OPCML: variants seen among roughly 807,000 people sequenced by gnomAD.
OPCML encodes the protein opioid binding protein/cell adhesion molecule like.
OPCML carries 13 observed loss-of-function variants against 37.8 expected under a neutral mutation model. The ratio of observed to expected loss-of-function variants is 0.34; its 90% CI spans 0.22 to 0.55. OPCML has a LOEUF of 0.55. OPCML is among the 20% of genes least tolerant of loss of function. The pLI, the probability that OPCML is intolerant of heterozygous loss-of-function variation, is 0.91. For synonymous variants in OPCML, 176 were observed against 168.8 expected, an observed-to-expected ratio of 1.04 and a Z score of -0.33; for missense variants, 341 against 435.6, an observed-to-expected ratio of 0.78 and a Z score of 1.93.
intron 1 of OPCML, among the ~76,000 whole-genome samples, chr11:133,140,855 A>AAGGAGAAGGAGAAGGAGAAGGAGAAGG (rs1949784172): frequency 3.4e-5 from 2 of 58,064 alleles, no homozygotes; most frequent in Non-Finnish European, 9.6e-5. Flanking sequence ...GACGACGACG[A>AAGGAGAAGGAGAAGGAGAAGGAGAAGG]AGAAGACGAC....
chr11:133,078,499 A>C (rs1948657446), intron 1 of OPCML, among the ~76,000 whole-genome samples: 1 of 152,218 alleles, frequency 6.6e-6, no homozygotes, highest in Non-Finnish European at 1.5e-5. Flanking sequence ...AATATGTTTC[A>C]GTCATTAGCC....
intron 2 of OPCML, among the ~76,000 whole-genome samples, chr11:132,877,953 AT>A: frequency 6.6e-6 from 1 of 152,126 alleles, no homozygotes; most frequent in Non-Finnish European, 1.5e-5. Flanking sequence ...CTTATTCACC[AT>A]TTTGGCAAAA....
intron 3 of OPCML, among the ~76,000 whole-genome samples, chr11:132,617,018 T>A (rs990888943): frequency 1.3e-5 from 2 of 152,302 alleles, no homozygotes; most frequent in African/African-American, 4.8e-5. Flanking sequence ...ATTTATGAAG[T>A]TTTCTTTTCT....
intron 2 of OPCML, among the ~76,000 whole-genome samples, chr11:132,719,896 C>T (rs1375399609): frequency 1.3e-5 from 2 of 152,148 alleles, no homozygotes; most frequent in African/African-American, 4.8e-5. Flanking sequence ...ACATGCACTC[C>T]AGGAAGGCTG....
chr11:132,769,567 C>T (rs1343020353), intron 2 of OPCML, among the ~76,000 whole-genome samples: 1 of 152,202 alleles, frequency 6.6e-6, no homozygotes, highest in Admixed American at 6.5e-5. Context: ...AGATGGAATT[C>T]TCTTTTCAAT....
chr11:133,105,716 C>A (rs1194733980), intron 1 of OPCML, among the ~76,000 whole-genome samples: 1 of 152,200 alleles, frequency 6.6e-6, no homozygotes, highest in Non-Finnish European at 1.5e-5. Flanking sequence ...CACGGTAGCT[C>A]ATGCCTGCAA....
chr11:132,493,198 T>C (rs2096221429), intron 4 of OPCML, among the ~76,000 whole-genome samples: 1 of 152,198 alleles, frequency 6.6e-6, no homozygotes, highest in African/African-American at 2.4e-5. Context: ...ACTACACTTT[T>C]GCTGTAGAAC....
At chr11:132,758,902 T>A (rs1184932900) in intron 2 of OPCML, among the ~76,000 whole-genome samples, 1 of 152,106 alleles carries the variant, frequency 6.6e-6, no homozygotes, top group Non-Finnish European at 1.5e-5. Context: ...AATGTTTCCA[T>A]CTTTTGCCCA....
At chr11:133,124,145 T>C (rs575869224) in intron 1 of OPCML, among the ~76,000 whole-genome samples, 13 of 150,084 alleles carry the variant, frequency 8.7e-5, no homozygotes, top group African/African-American at 2.5e-4. Context: ...ACTTCTCCCA[T>C]ACTTAAGCCA....
intron 2 of OPCML, among the ~76,000 whole-genome samples, chr11:132,683,269 G>A (rs963918602): frequency 5.9e-5 from 9 of 152,122 alleles, no homozygotes; most frequent in Admixed American, 1.3e-4. Flanking sequence ...GCATAGTGGC[G>A]CATGCCTGTA....
At chr11:132,631,615 A>G (rs1204330475) in intron 3 of OPCML, among the ~76,000 whole-genome samples, 1 of 148,842 alleles carries the variant, frequency 6.7e-6, no homozygotes, top group Non-Finnish European at 1.5e-5. Context: ...GCCCGCCACC[A>G]CGCCCGGCTA....
chr11:132,967,682 A>C (rs1459321209), intron 1 of OPCML, among the ~76,000 whole-genome samples: 3 of 152,212 alleles, frequency 2.0e-5, no homozygotes, highest in Non-Finnish European at 2.9e-5. Context: ...AAGAAGGAAT[A>C]GGCATTTATA....
chr11:133,140,856 AGAAGACGACGACGAC>A lies in OPCML; in HGVS notation c.62-197861_62-197847del, dbSNP rs1565468240. ...ACGAAGAAGACGACGACGACGACGA[AGAAGACGACGACGAC>A]GAAGAAGACGACGACGACGACGAAG... On this transcript the variant is annotated intron_variant, in intron 1 of 7. Coordinates refer to ENST00000524381, the MANE Select transcript of OPCML (RefSeq NM_001012393.5). Among the ~76,000 whole-genome samples the A allele has an allele frequency of 2.2e-3, 85 of 38,848 alleles. 6 individuals are homozygous for A. The highest frequency in any genetic ancestry group is 4.2e-3 in the African/African-American group (79 of 18,658). The allele number at this position is 38,848 out of a possible 152,430, so 25.5% of individuals were successfully genotyped here.
intron 2 of OPCML, among the ~76,000 whole-genome samples, chr11:132,700,380 T>A (rs1217861318): frequency 6.6e-6 from 1 of 152,110 alleles, no homozygotes. Flanking sequence ...TAAAGCTAGG[T>A]GCTTATCTGA....
At chr11:132,914,444 A>G (rs1199053905) in intron 2 of OPCML, among the ~76,000 whole-genome samples, 2 of 152,192 alleles carry the variant, frequency 1.3e-5, no homozygotes, top group Non-Finnish European at 1.5e-5. Flanking sequence ...TAGATTTACT[A>G]CATGTTACCC....
intron 1 of OPCML, among the ~76,000 whole-genome samples, chr11:133,035,205 C>A (rs528791401): frequency 6.6e-6 from 1 of 152,202 alleles, no homozygotes; most frequent in Non-Finnish European, 1.5e-5. Flanking sequence ...GTGTGCCGGG[C>A]GGCTTGCCAC....
intron 1 of OPCML, among the ~76,000 whole-genome samples, chr11:133,472,301 T>C (rs1261596726): frequency 6.6e-6 from 1 of 152,146 alleles, no homozygotes; most frequent in Non-Finnish European, 1.5e-5. Context: ...CTGCATTATC[T>C]TCTCGTGATC....
intron 2 of OPCML, among the ~76,000 whole-genome samples, chr11:132,751,452 T>C (rs1945829597): frequency 6.6e-6 from 1 of 152,204 alleles, no homozygotes; most frequent in South Asian, 2.1e-4. Flanking sequence ...CTTGAGGAGA[T>C]TTCAGTCAAA....
At chr11:132,876,307 G>A (rs1335976274) in intron 2 of OPCML, among the ~76,000 whole-genome samples, 1 of 152,182 alleles carries the variant, frequency 6.6e-6, no homozygotes, top group Non-Finnish European at 1.5e-5. Flanking sequence ...GTCTTTCCAT[G>A]CACAACCTCT....
Sources: gnomAD v4.1 joint callset for allele counts (sites outside exome capture counted in the v4.1 genomes callset) on GRCh38, gnomAD v4.1.1 for gene constraint, MANE v1.5 for transcripts, NCBI Gene and HGNC (gene_info 2026-07-23, HGNC 2026-07-21) for gene names.